RNF38: variants seen among roughly 807,000 people sequenced by gnomAD.
RNF38 encodes E3 ubiquitin-protein ligase RNF38.
RNF38 carries 15 observed loss-of-function variants against 67.2 expected under a neutral mutation model. The ratio of observed to expected loss-of-function variants is 0.22; its 90% CI spans 0.15 to 0.34. RNF38 has a LOEUF of 0.34. RNF38 is among the 10% of genes least tolerant of loss of function. The pLI, the probability that RNF38 is intolerant of heterozygous loss-of-function variation, is 1.00. For missense variants in RNF38, 524 were observed against 639.9 expected (o/e 0.82, Z 1.95); for synonymous variants, 220 against 218.8 (o/e 1.01, Z -0.05).
Position 36,342,426 on chromosome 9 carries a change from T to TA in RNF38, c.1386-3dup, listed in dbSNP as rs755608224. The TA allele has an allele frequency of 7.5e-6, 12 of 1,599,206 alleles. No homozygotes were observed. Among genetic ancestry groups the TA allele is most frequent in the South Asian group, 3.3e-5 (3 of 90,690 alleles). On this transcript the variant is annotated splice_region_variant and splice_polypyrimidine_tract_variant and intron_variant, in intron 10 of 11. Coordinates refer to ENST00000259605, the MANE Select transcript of RNF38 (RefSeq NM_022781.5). The stretch of plus-strand genomic sequence containing the variant: ...AAATCACACATGCATACTACACACC[T>TA]AAAAAAAGCAAAAAGATCATTTAAC...
At chr9:36,451,502 T>G (rs1329856601) in intron 1 of RNF38, among the ~76,000 whole-genome samples, 1 of 135,940 alleles carries the variant, frequency 7.4e-6, no homozygotes, top group Non-Finnish European at 1.6e-5. Context: ...TTTTTTTTTT[T>G]TTTTTTTTTT....
chr9:36,410,979 G>C (rs1838309041), intron 2 of RNF38, among the ~76,000 whole-genome samples: 1 of 152,116 alleles, frequency 6.6e-6, no homozygotes, highest in South Asian at 2.1e-4. Flanking sequence ...AAAGGTGAAT[G>C]TACTGTATGT....
chr9:36,346,865 C>T (rs1483711337), intron 9 of RNF38, among the ~76,000 whole-genome samples: 2 of 152,052 alleles, frequency 1.3e-5, no homozygotes, highest in Non-Finnish European at 2.9e-5. Flanking sequence ...AGCCTGTAAT[C>T]CCAGCACTTT....
At chr9:36,351,364 G>A (rs982950209) in intron 8 of RNF38, among the ~76,000 whole-genome samples, 165 bp from the exon 9 acceptor site, 1 of 152,156 alleles carries the variant, frequency 6.6e-6, no homozygotes, top group African/African-American at 2.4e-5. Context: ...ACTGCAAATA[G>A]ATTGCTAGGA....
At chr9:36,418,798 C>T in intron 2 of RNF38, among the ~76,000 whole-genome samples, 1 of 150,474 alleles carries the variant, frequency 6.6e-6, no homozygotes, top group East Asian at 1.9e-4. Context: ...AAAACAACAA[C>T]AACAACAACA....
At chr9:36,409,133 GC>G (rs1838253012) in intron 2 of RNF38, among the ~76,000 whole-genome samples, 1 of 151,914 alleles carries the variant, frequency 6.6e-6, no homozygotes, top group East Asian at 1.9e-4. Flanking sequence ...GTTGTAGTGA[GC>G]CAAGATCACA....
upstream of RNF38, chr9:36,400,700 A>G (rs1297252255): frequency 1.2e-5 from 12 of 985,800 alleles, no homozygotes; most frequent in African/African-American, 1.7e-5. Flanking sequence ...CCCGGCTCCA[A>G]CTTAGGCACT....
intron 1 of RNF38, among the ~76,000 whole-genome samples, chr9:36,450,668 A>T (rs1432081457): frequency 2.6e-5 from 4 of 152,184 alleles, no homozygotes; most frequent in Non-Finnish European, 5.9e-5. Flanking sequence ...TAATCCTAGC[A>T]CTTTGGGAGG....
intron 1 of RNF38, among the ~76,000 whole-genome samples, chr9:36,437,387 T>C (rs929379330): frequency 4.6e-5 from 7 of 152,310 alleles, no homozygotes; most frequent in African/African-American, 1.7e-4. Context: ...TCAGTTATAG[T>C]TACTGGGTAT....
intron 1 of RNF38, among the ~76,000 whole-genome samples, chr9:36,445,795 C>T (rs1839288017): frequency 6.6e-6 from 1 of 152,162 alleles, no homozygotes; most frequent in African/African-American, 2.4e-5. Flanking sequence ...CACAAGACAC[C>T]GTAAGGTGTC....
intron 2 of RNF38, among the ~76,000 whole-genome samples, chr9:36,409,551 A>G (rs1838272304): frequency 6.6e-6 from 1 of 152,172 alleles, no homozygotes; most frequent in Non-Finnish European, 1.5e-5. Flanking sequence ...TGAGGAACAC[A>G]CTTTCTTTCC....
intron 1 of RNF38, among the ~76,000 whole-genome samples, chr9:36,473,475 C>G: frequency 6.6e-6 from 1 of 152,190 alleles, no homozygotes; most frequent in East Asian, 1.9e-4. Flanking sequence ...GTAATCCCAG[C>G]TACTTGGGAG....
At chr9:36,401,937 A>G (rs73648751), upstream of RNF38, among the ~76,000 whole-genome samples, 367 of 152,312 alleles carry the variant, frequency 2.4e-3, 1 homozygote, top group African/African-American at 8.5e-3. Context: ...AGCTGCAACC[A>G]GTAGAAAATG....
At position 36,352,696 on chromosome 9, in the gene RNF38, C is replaced by CA. The variant is rs753505948; in HGVS notation, c.1178+45dup. ...GACATTCACAAAGGAAAGAGAATCT[C>CA]AAGAGTTTCAAAATTCAGAAATCAT... On this transcript the variant is annotated intron_variant, in intron 8 of 11. Transcript: ENST00000259605. 7 of 1,316,302 alleles carry CA rather than the reference C, an allele frequency of 5.3e-6. No homozygotes were observed. The South Asian group carries it at 8.3e-5, about 16-fold the overall frequency. The allele number at this position is 1,316,302 out of a possible 1,614,324, so 81.5% of individuals were successfully genotyped here.
At chr9:36,465,728 C>G (rs1839843535) in intron 1 of RNF38, among the ~76,000 whole-genome samples, 2 of 152,100 alleles carry the variant, frequency 1.3e-5, no homozygotes, top group Admixed American at 6.5e-5. Flanking sequence ...TATGATACAC[C>G]TATACAACTA....
At chr9:36,430,017 T>C (rs957263838) in intron 1 of RNF38, among the ~76,000 whole-genome samples, 1 of 152,174 alleles carries the variant, frequency 6.6e-6, no homozygotes, top group African/African-American at 2.4e-5. Context: ...GTTTATTGAA[T>C]TTCTAGCATA....
chr9:36,416,105 C>T lies in RNF38; in HGVS notation n.312+8508G>A, dbSNP rs550874831. On this transcript the variant is annotated intron_variant and non_coding_transcript_variant, in intron 2 of 3. Coordinates refer to the RNF38 transcript ENST00000488058. ...TGTGTTTTGTTTTACGCTACCAGGGCGGAAAAAGACCATCAAGTAAGGGCC... is the reference window on the plus strand; with the variant it reads ...TGTGTTTTGTTTTACGCTACCAGGGTGGAAAAAGACCATCAAGTAAGGGCC... Among the ~76,000 whole-genome samples, 195 of 148,064 alleles carry T rather than the reference C, an allele frequency of 1.3e-3. 2 individuals are homozygous for T. Among genetic ancestry groups the T allele is most frequent in the Non-Finnish European group, 2.6e-3 (174 of 67,462 alleles).
intron 3 of RNF38, among the ~76,000 whole-genome samples, chr9:36,370,154 G>A (rs1352676419): frequency 1.3e-5 from 2 of 152,124 alleles, no homozygotes; most frequent in African/African-American, 4.8e-5. Context: ...ATCTCTGAAA[G>A]TATTTAGAAA....
At chr9:36,435,512 C>T (rs1839041672) in intron 1 of RNF38, among the ~76,000 whole-genome samples, 1 of 152,010 alleles carries the variant, frequency 6.6e-6, no homozygotes, top group Admixed American at 6.6e-5. Context: ...GTTTGAATAA[C>T]AGGCATCATT....
Sources: gnomAD v4.1 joint callset for allele counts (sites outside exome capture counted in the v4.1 genomes callset) on GRCh38, gnomAD v4.1.1 for gene constraint, MANE v1.5 for transcripts, NCBI Gene and HGNC (gene_info 2026-07-23, HGNC 2026-07-21) for gene names.